The following NMNAT3 variants were observed in gnomAD, a reference collection of about 807,000 sequenced individuals.
The protein encoded by NMNAT3 is nicotinamide nucleotide adenylyltransferase 3.
Under a neutral mutation model 24.8 loss-of-function variants are expected in NMNAT3, and 21 were observed. That is an observed-to-expected ratio of 0.85 (90% CI 0.60 to 1.22). The LOEUF is 1.22. Ranked by LOEUF, NMNAT3 falls within the 50% of genes most tolerant of loss-of-function variation. The pLI is 0.00. For missense variants in NMNAT3, 387 were observed against 436.6 expected, an observed-to-expected ratio of 0.89 and a Z score of 1.01; for synonymous variants, 136 against 155.2, an observed-to-expected ratio of 0.88 and a Z score of 0.92.
At chr3:139,566,674 G>A (rs1277696557) in intron 6 of NMNAT3, 25 of 152,314 alleles carry the variant, frequency 1.6e-4, no homozygotes, top group Middle Eastern at 3.4e-3. Context: ...GATAGTTGTA[G>A]ATAGGTGGCA....
At chr3:139,618,925 C>T (rs2055633447) in intron 3 of NMNAT3, among the ~76,000 whole-genome samples, 1 of 152,154 alleles carries the variant, frequency 6.6e-6, no homozygotes, top group South Asian at 2.1e-4. Context: ...ATGCCTGAGT[C>T]CTCCCCATCT....
At chr3:139,595,364 A>T (rs1040993150) in intron 3 of NMNAT3, among the ~76,000 whole-genome samples, 2 of 152,246 alleles carry the variant, frequency 1.3e-5, no homozygotes, top group African/African-American at 4.8e-5. Context: ...AAGAATCAAT[A>T]TCGCGAAAAT....
At chr3:139,575,674 C>T (rs10935336) in intron 5 of NMNAT3, 273,193 of 1,028,284 alleles carry the variant, frequency 0.27, 38,128 homozygotes, top group East Asian at 0.59. Context: ...ATACAACATG[C>T]ATTTGCCAGG....
intron 1 of NMNAT3, among the ~76,000 whole-genome samples, chr3:139,649,084 T>G (rs2056968798): frequency 6.6e-6 from 1 of 152,208 alleles, no homozygotes; most frequent in Admixed American, 6.5e-5. Flanking sequence ...TACTTTATAC[T>G]AATGCACTTT....
chr3:139,585,797 C>G (rs1463501988), intron 3 of NMNAT3, among the ~76,000 whole-genome samples: 3 of 152,184 alleles, frequency 2.0e-5, no homozygotes, highest in Admixed American at 2.0e-4. Context: ...AGCACTAAGG[C>G]TTCTCAGAAG....
At chr3:139,663,434 CA>C (rs1368458317) in intron 1 of NMNAT3, among the ~76,000 whole-genome samples, 1 of 152,160 alleles carries the variant, frequency 6.6e-6, no homozygotes, top group Non-Finnish European at 1.5e-5. Context: ...AGGATGTAGA[CA>C]TTTGGAAGGC....
intron 1 of NMNAT3, among the ~76,000 whole-genome samples, chr3:139,653,753 C>G (rs1437342044): frequency 6.6e-6 from 1 of 152,350 alleles, no homozygotes; most frequent in African/African-American, 2.4e-5. Context: ...ACTCCTCAAG[C>G]AAACCGTAGC....
At chr3:139,585,309 T>C (rs996799831) in intron 3 of NMNAT3, among the ~76,000 whole-genome samples, 1 of 152,180 alleles carries the variant, frequency 6.6e-6, no homozygotes, top group Non-Finnish European at 1.5e-5. Flanking sequence ...TCAATGAACT[T>C]TTAATTTTGT....
chr3:139,616,873 C>T (rs1348758442), intron 3 of NMNAT3, among the ~76,000 whole-genome samples: 2 of 152,172 alleles, frequency 1.3e-5, no homozygotes, highest in African/African-American at 4.8e-5. Context: ...GCCTGCAAGG[C>T]TGTCATGGTT....
chr3:139,626,545 A>G (rs2056059240), intron 3 of NMNAT3, among the ~76,000 whole-genome samples: 1 of 152,022 alleles, frequency 6.6e-6, no homozygotes, highest in African/African-American at 2.4e-5. Flanking sequence ...GCTAATTCTA[A>G]TATCTGCATC....
At chr3:139,657,847 G>A (rs2057295946) in intron 1 of NMNAT3, among the ~76,000 whole-genome samples, 1 of 150,998 alleles carries the variant, frequency 6.6e-6, no homozygotes, top group African/African-American at 2.4e-5. Flanking sequence ...GTGGTGTGGT[G>A]GTGCTGTGGG....
chr3:139,594,088 G>A (rs1476772339), intron 3 of NMNAT3, among the ~76,000 whole-genome samples: 25 of 152,084 alleles, frequency 1.6e-4, no homozygotes, highest in Admixed American at 1.6e-3. Flanking sequence ...GAAAAAAAGA[G>A]AGAATAATCA....
At chr3:139,580,008 G>T (rs781330614) in intron 4 of NMNAT3, among the ~76,000 whole-genome samples, 6 of 152,058 alleles carry the variant, frequency 3.9e-5, no homozygotes, top group Non-Finnish European at 5.9e-5. Flanking sequence ...GTGTACTGGT[G>T]GGTTCACTTT....
chr3:139,669,478 G>GAAAA (rs61403161), intron 1 of NMNAT3, among the ~76,000 whole-genome samples: 26 of 59,300 alleles, frequency 4.4e-4, no homozygotes, highest in African/African-American at 1.2e-3. Context: ...CCCTGTCTCA[G>GAAAA]AAAAAAAAAA....
At chr3:139,631,729 C>T (rs2056306776) in intron 2 of NMNAT3, among the ~76,000 whole-genome samples, 1 of 152,070 alleles carries the variant, frequency 6.6e-6, no homozygotes, top group African/African-American at 2.4e-5. Flanking sequence ...CATGCTGCTT[C>T]TGCAAAAGCA....
At chr3:139,652,004 C>T (rs755780203) in intron 1 of NMNAT3, among the ~76,000 whole-genome samples, 1 of 152,216 alleles carries the variant, frequency 6.6e-6, no homozygotes, top group Non-Finnish European at 1.5e-5. Flanking sequence ...GTGTCCAGCC[C>T]TCACTGTTCC....
Position 139,662,320 on chromosome 3 carries a change from T to G in NMNAT3, c.-141+15385A>C, listed in dbSNP as rs2057442181. Among the ~76,000 whole-genome samples, 3 of 152,194 alleles carry G rather than the reference T, an allele frequency of 2.0e-5. No homozygotes were observed. The South Asian group carries it at 6.2e-4, about 32-fold the overall frequency. On this transcript the variant is annotated intron_variant, in intron 1 of 6. Transcript: ENST00000643695. ...TGTCACTGATGGGCTGTTTGACCCA[T>G]CAGTCAAACAGCTTGACCTCTTGGA...
At chr3:139,675,096 AT>A (rs1171706775) in intron 1 of NMNAT3, among the ~76,000 whole-genome samples, 14 of 135,322 alleles carry the variant, frequency 1.0e-4, no homozygotes, top group Admixed American at 8.1e-4. Context: ...GCTTAAATAC[AT>A]TAGTCATCTT....
intron 1 of NMNAT3, among the ~76,000 whole-genome samples, chr3:139,661,540 G>A (rs1241504815): frequency 6.6e-6 from 1 of 152,136 alleles, no homozygotes; most frequent in African/African-American, 2.4e-5. Flanking sequence ...GTGTGTTGGT[G>A]TATGCCTGTA....
Sources: gnomAD v4.1 joint callset for allele counts (sites outside exome capture counted in the v4.1 genomes callset) on GRCh38, gnomAD v4.1.1 for gene constraint, MANE v1.5 for transcripts, NCBI Gene and HGNC (gene_info 2026-07-23, HGNC 2026-07-21) for gene names.